Variants in PPFIBP2 observed in about 807,000 individuals in gnomAD.
PPFIBP2 encodes the protein liprin-beta-2.
Under a neutral mutation model 118.3 loss-of-function variants are expected in PPFIBP2, and 118 were observed. The ratio of observed to expected loss-of-function variants is 1.00; its 90% CI spans 0.86 to 1.16. The LOEUF is 1.16. Among genes scored for constraint, PPFIBP2 ranks in the 50% most tolerant of loss-of-function variants. The probability of loss-of-function intolerance (pLI) is 0.00; values close to 1 mark genes in which losing one functional copy is unlikely to be tolerated. For missense variants in PPFIBP2, 1,195 were observed against 1,073.1 expected, an observed-to-expected ratio of 1.11 and a Z score of -1.59; for synonymous variants, 414 against 397.4, an observed-to-expected ratio of 1.04 and a Z score of -0.50.
intron 8 of PPFIBP2, among the ~76,000 whole-genome samples, chr11:7,626,944 T>C (rs540512176): frequency 6.6e-6 from 1 of 152,316 alleles, no homozygotes; most frequent in African/African-American, 2.4e-5. Context: ...TCTCCGAGCT[T>C]TTCTCAGTGT....
At position 7,653,312 on chromosome 11, in the gene PPFIBP2, T is replaced by G; in HGVS notation, c.*94T>G. 1 of 1,556,472 alleles carries G rather than the reference T, an allele frequency of 6.4e-7. No homozygotes were observed. Among genetic ancestry groups the G allele is most frequent in the Non-Finnish European group, 8.7e-7 (1 of 1,154,762 alleles). On this transcript the variant is annotated 3_prime_UTR_variant, in exon 24 of 24. Coordinates refer to ENST00000299492, the MANE Select transcript of PPFIBP2 (RefSeq NM_003621.5). ...TGCACCTCACCCCCGCACGTGTGCA[T>G]GACTCGCAGAGAATATTCCAGCAAT...
rs577880136 is a variant in PPFIBP2 at position 7,598,015 on chromosome 11, G to A, written c.486+342G>A. The stretch of plus-strand genomic sequence containing the variant: ...TGGGTGCCATCTGGAGTTTTAGAAA[G>A]TCAATTCTCAGCTGATTCTATGCCC... On this transcript the variant is annotated intron_variant, in intron 5 of 23. Coordinates refer to ENST00000299492, the MANE Select transcript of PPFIBP2 (RefSeq NM_003621.5). The A allele has an allele frequency of 6.6e-5, 14 of 212,220 alleles. No individual in the cohort carries two copies. The South Asian group carries it at 1.4e-3, about 21-fold the overall frequency. The allele number at this position is 212,220 out of a possible 1,614,324, so 13.1% of individuals were successfully genotyped here. A position where few individuals can be genotyped will look rare whatever the true frequency, so the allele number is the denominator to read the frequency against.
chr11:7,591,197 C>T (rs182827901), intron 3 of PPFIBP2, among the ~76,000 whole-genome samples: 6 of 152,074 alleles, frequency 3.9e-5, no homozygotes, highest in African/African-American at 1.4e-4. Context: ...TACTGCACAC[C>T]ATTTGAATAA....
At chr11:7,664,016 T>TGC in the PPFIBP2 span, among the ~76,000 whole-genome samples, 1 of 151,338 alleles carries the variant, frequency 6.6e-6, no homozygotes, top group Admixed American at 6.6e-5. Flanking sequence ...TCGCACACGG[T>TGC]GCGCGCACCC....
chr11:7,629,657 A>G lies in PPFIBP2; in HGVS notation c.964+123A>G, dbSNP rs569544045. ...TTCAGAGAAGACTCCCTACTGGAGA[A>G]CAGAGCTGTTTAGACTTTTCTGCAT... On this transcript the variant is annotated intron_variant, in intron 10 of 23. Transcript: ENST00000299492. 1.7e-5 allele frequency: 16 copies of G among 934,884 alleles called. No individual in the cohort carries two copies. In the African/African-American group the frequency reaches 2.6e-4, roughly 15 times the overall value. The allele number at this position is 934,884 out of a possible 1,614,324, so 57.9% of individuals were successfully genotyped here. A position where few individuals can be genotyped will look rare whatever the true frequency, so the allele number is the denominator to read the frequency against.
chr11:7,567,524 G>GAA (rs1450629417), intron 3 of PPFIBP2, among the ~76,000 whole-genome samples: 2 of 152,340 alleles, frequency 1.3e-5, no homozygotes, highest in East Asian at 1.9e-4. Context: ...ACTAACCTAT[G>GAA]CATGGCGAAG....
chr11:7,568,016 C>T (rs1203469335), intron 3 of PPFIBP2, among the ~76,000 whole-genome samples: 7 of 152,322 alleles, frequency 4.6e-5, no homozygotes, highest in African/African-American at 1.7e-4. Flanking sequence ...GATTAGGCAG[C>T]ACTGCCCAGC....
intron 14 of PPFIBP2, 134 bp from the exon 15 acceptor site, chr11:7,639,598 C>T: frequency 1.8e-6 from 2 of 1,136,166 alleles, no homozygotes; most frequent in East Asian, 2.4e-5. Flanking sequence ...GCTAAATAAT[C>T]TTTGAGGGGT....
At chr11:7,651,556 T>C (rs1854005951) in intron 22 of PPFIBP2, 100 bp from the exon 23 acceptor site, 2 of 1,099,834 alleles carry the variant, frequency 1.8e-6, no homozygotes, top group Non-Finnish European at 2.6e-6. Flanking sequence ...GTCCCTCCTC[T>C]GGAGGCACCC....
chr11:7,515,517 A>C (rs760269949), intron 1 of PPFIBP2, among the ~76,000 whole-genome samples: 6 of 152,176 alleles, frequency 3.9e-5, no homozygotes, highest in Non-Finnish European at 7.4e-5. Flanking sequence ...ATTTTAAGAA[A>C]GGGTGATGTG....
chr11:7,541,090 A>G (rs977019996), intron 1 of PPFIBP2, among the ~76,000 whole-genome samples: 6 of 152,234 alleles, frequency 3.9e-5, no homozygotes, highest in African/African-American at 1.4e-4. Context: ...TCTAAGCAAA[A>G]GGGTGCCTGG....
chr11:7,533,899 AG>A (rs1366162839), intron 1 of PPFIBP2, among the ~76,000 whole-genome samples: 1 of 152,222 alleles, frequency 6.6e-6, no homozygotes, highest in Non-Finnish European at 1.5e-5. Flanking sequence ...TGTGAAGCCG[AG>A]GAATGTTTGA....
At chr11:7,629,381 C>T in intron 9 of PPFIBP2, 78 bp from the exon 10 acceptor site, 3 of 1,375,526 alleles carry the variant, frequency 2.2e-6, no homozygotes, top group Non-Finnish European at 3.1e-6. Flanking sequence ...GTGCCAAGAA[C>T]ATAGCGTGGG....
At chr11:7,604,442 A>C (rs1440308086) in intron 5 of PPFIBP2, among the ~76,000 whole-genome samples, 1 of 151,210 alleles carries the variant, frequency 6.6e-6, no homozygotes, top group African/African-American at 2.4e-5. Flanking sequence ...GCACCCACAC[A>C]CACCCACCTA....
intron 3 of PPFIBP2, among the ~76,000 whole-genome samples, chr11:7,588,377 C>G (rs1018009094): frequency 6.6e-6 from 1 of 152,214 alleles, no homozygotes; most frequent in Non-Finnish European, 1.5e-5. Flanking sequence ...CTATCATGAT[C>G]AACTCCAGGA....
intron 9 of PPFIBP2, among the ~76,000 whole-genome samples, chr11:7,629,033 C>T (rs778133175): frequency 5.9e-5 from 9 of 152,194 alleles, no homozygotes; most frequent in Non-Finnish European, 1.0e-4. Flanking sequence ...TGGGAATTTC[C>T]TCTGTAGTAT....
chr11:7,647,769 A>G (rs1270726329), intron 17 of PPFIBP2, among the ~76,000 whole-genome samples: 3 of 152,180 alleles, frequency 2.0e-5, no homozygotes, highest in African/African-American at 7.2e-5. Context: ...CCTAATAGCT[A>G]TACTTCTTGT....
chr11:7,519,865 G>A (rs1419212374), intron 1 of PPFIBP2, among the ~76,000 whole-genome samples: 2 of 152,168 alleles, frequency 1.3e-5, no homozygotes, highest in Non-Finnish European at 2.9e-5. Flanking sequence ...AACCAAAAGA[G>A]GCCGAGCACG....
intron 1 of PPFIBP2, among the ~76,000 whole-genome samples, chr11:7,516,456 G>A (rs2134214536): frequency 6.6e-6 from 1 of 152,234 alleles, no homozygotes; most frequent in African/African-American, 2.4e-5. Context: ...TGGGCCTGAG[G>A]AATGGTATGG....
Sources: allele counts gnomAD v4.1 joint callset (sites outside exome capture counted in the v4.1 genomes callset), GRCh38; gene constraint gnomAD v4.1.1; transcripts MANE v1.5; gene names NCBI Gene and HGNC (gene_info 2026-07-23, HGNC 2026-07-21).